The following ZMIZ1 variants were observed in gnomAD, a reference collection of about 807,000 sequenced individuals.
The protein encoded by ZMIZ1 is zinc finger MIZ domain-containing protein 1.
In ZMIZ1, 17 loss-of-function variants were observed where a neutral mutation model predicts 113.9. The ratio of observed to expected loss-of-function variants is 0.15; its 90% CI spans 0.10 to 0.22. The LOEUF is 0.22. ZMIZ1 is among the 10% of genes least tolerant of loss of function. The probability of loss-of-function intolerance (pLI) is 1.00; values close to 1 mark genes in which losing one functional copy is unlikely to be tolerated. For missense variants in ZMIZ1, 1,059 were observed against 1,477.8 expected, an observed-to-expected ratio of 0.72 and a Z score of 4.65; for synonymous variants, 607 against 603.1, an observed-to-expected ratio of 1.01 and a Z score of -0.09.
At chr10:79,269,344 T>G (rs1851795622) in intron 7 of ZMIZ1, among the ~76,000 whole-genome samples, 1 of 152,056 alleles carries the variant, frequency 6.6e-6, no homozygotes, top group African/African-American at 2.4e-5. Flanking sequence ...GGGCCCTGCT[T>G]CAAGATGCTG....
rs748485265 is a variant in ZMIZ1, at chr10:79,216,278, G to C, written c.280+4G>C. ...AAGTTCACCCCGAAGTCTGCCGGTA[G>C]GTGTCCGTGGGGGACTCTGCGATGT... On this transcript the variant is annotated splice_donor_region_variant and intron_variant, in intron 7 of 24. Coordinates refer to ENST00000334512, the MANE Select transcript of ZMIZ1 (RefSeq NM_020338.4). 1.3e-5 allele frequency: 20 copies of C among 1,586,382 alleles called. No individual in the cohort carries two copies. The highest frequency in any genetic ancestry group is 8.6e-7 in the Non-Finnish European group (1 of 1,166,330).
At chr10:79,071,441 C>T (rs566140345) in intron 1 of ZMIZ1, among the ~76,000 whole-genome samples, 5 of 152,198 alleles carry the variant, frequency 3.3e-5, no homozygotes, top group Admixed American at 1.3e-4. Context: ...GCTGGAGAGC[C>T]GGGCAGCTTG....
intron 4 of ZMIZ1, among the ~76,000 whole-genome samples, chr10:79,181,845 G>A (rs531620048): frequency 1.1e-4 from 17 of 152,254 alleles, no homozygotes; most frequent in East Asian, 5.8e-4. Flanking sequence ...TGCATGTCCC[G>A]GCCCGCCTCC....
intron 6 of ZMIZ1, among the ~76,000 whole-genome samples, chr10:79,209,332 A>G (rs1264937128): frequency 6.6e-6 from 1 of 152,228 alleles, no homozygotes; most frequent in Non-Finnish European, 1.5e-5. Context: ...CCAGGTCCAG[A>G]GTTTGTGGTA....
At chr10:79,293,222 C>A in intron 11 of ZMIZ1, 159 bp from the exon 12 acceptor site, 3 of 862,982 alleles carry the variant, frequency 3.5e-6, no homozygotes, top group Non-Finnish European at 5.0e-6. Context: ...GGATCCTGCT[C>A]CCCTGGGGCC....
chr10:79,086,899 G>A (rs1842832168), intron 1 of ZMIZ1, among the ~76,000 whole-genome samples: 1 of 152,046 alleles, frequency 6.6e-6, no homozygotes, highest in African/African-American at 2.4e-5. Context: ...TACCTGGTCT[G>A]TGCAACTATT....
chr10:79,250,220 G>C (rs1321518319), intron 7 of ZMIZ1, among the ~76,000 whole-genome samples: 1 of 152,174 alleles, frequency 6.6e-6, no homozygotes, highest in African/African-American at 2.4e-5. Flanking sequence ...TCTCCACCCA[G>C]CTCCACCACC....
At chr10:79,110,333 G>A (rs7914684) in intron 1 of ZMIZ1, among the ~76,000 whole-genome samples, 17 of 152,144 alleles carry the variant, frequency 1.1e-4, no homozygotes, top group African/African-American at 4.1e-4. Context: ...GCCTTATTGC[G>A]ATACCGGTGG....
chr10:79,225,843 G>A (rs1849177988), intron 7 of ZMIZ1, among the ~76,000 whole-genome samples: 1 of 152,170 alleles, frequency 6.6e-6, no homozygotes, highest in Admixed American at 6.5e-5. Flanking sequence ...GCTGTGCCCT[G>A]CCCAGCAGCC....
intron 4 of ZMIZ1, among the ~76,000 whole-genome samples, chr10:79,165,103 G>C (rs1214260407): frequency 1.3e-5 from 2 of 152,142 alleles, no homozygotes; most frequent in East Asian, 3.8e-4. Context: ...GAAAGCCCTT[G>C]TCTGGGAGGT....
chr10:79,273,431 A>T (rs1852070435), intron 7 of ZMIZ1, among the ~76,000 whole-genome samples: 1 of 152,186 alleles, frequency 6.6e-6, no homozygotes, highest in African/African-American at 2.4e-5. Flanking sequence ...ACGCGATCTC[A>T]GATCACTGCA....
intron 9 of ZMIZ1, 97 bp from the exon 10 acceptor site, chr10:79,290,862 C>T: frequency 1.4e-6 from 2 of 1,413,942 alleles, no homozygotes; most frequent in Non-Finnish European, 2.0e-6. Context: ...CCTGCCTCCA[C>T]TTTGTTCTTT....
intron 2 of ZMIZ1, among the ~76,000 whole-genome samples, chr10:79,120,600 C>G (rs1239645285): frequency 1.3e-5 from 2 of 152,184 alleles, no homozygotes; most frequent in African/African-American, 4.8e-5. Context: ...GGACTCATTC[C>G]CCATCTGGAA....
At chr10:79,072,352 G>A (rs757992868) in intron 1 of ZMIZ1, among the ~76,000 whole-genome samples, 1 of 152,174 alleles carries the variant, frequency 6.6e-6, no homozygotes, top group Non-Finnish European at 1.5e-5. Context: ...TCCAACATAG[G>A]ACAGGTGTCC....
At chr10:79,155,932 C>T (rs1465921753) in intron 3 of ZMIZ1, among the ~76,000 whole-genome samples, 1 of 152,234 alleles carries the variant, frequency 6.6e-6, no homozygotes, top group Non-Finnish European at 1.5e-5. Context: ...GGCCCGCCAG[C>T]ACTCTGTGCA....
At chr10:79,145,507 G>C (rs948140516) in intron 3 of ZMIZ1, among the ~76,000 whole-genome samples, 65 of 152,174 alleles carry the variant, frequency 4.3e-4, no homozygotes, top group Admixed American at 4.3e-3. Flanking sequence ...CTTCCGGTTA[G>C]TTCACATTGA....
chr10:79,283,412 C>T (rs920169457), intron 8 of ZMIZ1, among the ~76,000 whole-genome samples: 3 of 152,170 alleles, frequency 2.0e-5, no homozygotes, highest in African/African-American at 7.2e-5. Context: ...GTGTGCTTGT[C>T]GCCAAGCCTG....
At chr10:79,286,245 G>C (rs575252539) in intron 8 of ZMIZ1, among the ~76,000 whole-genome samples, 4 of 152,400 alleles carry the variant, frequency 2.6e-5, no homozygotes, top group Admixed American at 2.6e-4. Context: ...GCCAGGCCAT[G>C]CCTTTCTGGT....
intron 4 of ZMIZ1, among the ~76,000 whole-genome samples, chr10:79,169,334 G>C (rs761503609): frequency 6.6e-6 from 1 of 152,218 alleles, no homozygotes; most frequent in African/African-American, 2.4e-5. Context: ...TCCCTCTCAG[G>C]TAGGGGTTCC....
Sources: allele counts gnomAD v4.1 joint callset (sites outside exome capture counted in the v4.1 genomes callset), GRCh38; gene constraint gnomAD v4.1.1; transcripts MANE v1.5; gene names NCBI Gene and HGNC (gene_info 2026-07-23, HGNC 2026-07-21).